Variants in UMAD1 observed in about 807,000 individuals in gnomAD.
The protein encoded by UMAD1 is UBAP1-MVB12-associated (UMA)-domain containing protein 1.
In UMAD1, 8 loss-of-function variants were observed where a neutral mutation model predicts 6.1. That is an observed-to-expected ratio of 1.30 (90% CI 0.76 to 2.35). The LOEUF is 2.35. UMAD1 is among the 30% of genes most tolerant of loss of function. The probability of loss-of-function intolerance (pLI) is 0.00; values close to 1 mark genes in which losing one functional copy is unlikely to be tolerated. For missense variants in UMAD1, 130 were observed against 78.4 expected, an observed-to-expected ratio of 1.66 and a Z score of -2.49; for synonymous variants, 56 against 31.4, an observed-to-expected ratio of 1.78 and a Z score of -2.61.
chr7:7,685,670 A>G (rs1377676464), intron 2 of UMAD1, among the ~76,000 whole-genome samples: 1 of 152,140 alleles, frequency 6.6e-6, no homozygotes, highest in Admixed American at 6.5e-5. Context: ...TGGTTTCTCA[A>G]GTTGCCTGCC....
At chr7:7,819,684 A>T (rs75167848) in intron 3 of UMAD1, among the ~76,000 whole-genome samples, 6,334 of 152,294 alleles carry the variant, frequency 0.042, 306 homozygotes, top group African/African-American at 0.11. Context: ...TCACATTCTG[A>T]AAAAGGTGAT....
At chr7:7,738,288 G>T (rs1038180611) in intron 2 of UMAD1, among the ~76,000 whole-genome samples, 1 of 152,160 alleles carries the variant, frequency 6.6e-6, no homozygotes, top group African/African-American at 2.4e-5. Flanking sequence ...ACAAAACAGA[G>T]GCTTGTTCTG....
chr7:7,845,418 G>T (rs34716105), intron 3 of UMAD1, among the ~76,000 whole-genome samples: 14,198 of 152,040 alleles, frequency 0.093, 804 homozygotes, highest in Non-Finnish European at 0.13. Flanking sequence ...AGAATTTAGA[G>T]AATTTAAGTG....
chr7:7,731,448 A>G (rs753687303), intron 2 of UMAD1, among the ~76,000 whole-genome samples: 1 of 147,608 alleles, frequency 6.8e-6, no homozygotes, highest in Non-Finnish European at 1.5e-5. Context: ...AGTGAGGAAG[A>G]AAAAGGAAAA....
intron 2 of UMAD1, chr7:7,692,325 AC>A (rs1244233821): frequency 6.6e-6 from 1 of 152,144 alleles, no homozygotes; most frequent in Admixed American, 6.6e-5. Flanking sequence ...GAGAATTATA[AC>A]TTTTTTCTTG....
intron 3 of UMAD1, among the ~76,000 whole-genome samples, chr7:7,836,555 T>G (rs561544052): frequency 6.6e-6 from 1 of 152,096 alleles, no homozygotes; most frequent in South Asian, 2.1e-4. Context: ...GAGTCAGATC[T>G]GCAAAGGTCT....
intron 2 of UMAD1, among the ~76,000 whole-genome samples, chr7:7,701,384 CA>C (rs1780459354): frequency 6.7e-6 from 1 of 149,864 alleles, no homozygotes; most frequent in Non-Finnish European, 1.5e-5. Context: ...AAGCACACTA[CA>C]GACAATCTAT....
intron 1 of UMAD1, among the ~76,000 whole-genome samples, chr7:7,661,980 C>T (rs1032983877): frequency 6.6e-6 from 1 of 152,306 alleles, no homozygotes; most frequent in Non-Finnish European, 1.5e-5. Flanking sequence ...ACTGGGGCTG[C>T]TGCCTTTCTT....
At chr7:7,643,427 A>C (rs1042576958) in intron 1 of UMAD1, among the ~76,000 whole-genome samples, 2 of 152,200 alleles carry the variant, frequency 1.3e-5, no homozygotes, top group Non-Finnish European at 2.9e-5. Flanking sequence ...TCCTAGGATC[A>C]GGGCCGGGCG....
At chr7:7,728,131 A>G (rs979705246) in intron 2 of UMAD1, among the ~76,000 whole-genome samples, 10 of 152,160 alleles carry the variant, frequency 6.6e-5, no homozygotes, top group Admixed American at 5.2e-4. Context: ...AAACTGGTAC[A>G]TGTTCAGATA....
At chr7:7,645,150 TTTCTA>T (rs551200152) in intron 1 of UMAD1, among the ~76,000 whole-genome samples, 33 of 152,310 alleles carry the variant, frequency 2.2e-4, no homozygotes, top group African/African-American at 7.2e-4. Context: ...TTTTTGGAAT[TTTCTA>T]TTCATATTTG....
Position 7,717,060 on chromosome 7 carries a change from C to CTTTTTT in UMAD1, c.82+43616_82+43621dup, listed in dbSNP as rs766644906. ...TTCCTTTTTCTTTCTTTCTTTTTTT[C>CTTTTTT]TTTTTTTTTTTTTTGAGACGGAGTC... On this transcript the variant is annotated intron_variant, in intron 2 of 3. Coordinates refer to ENST00000682710, the MANE Select transcript of UMAD1 (RefSeq NM_001302348.2). 9.8e-3 allele frequency among the ~76,000 whole-genome samples: 1,393 copies of CTTTTTT among 141,584 alleles called. 52 individuals carry two copies. Among genetic ancestry groups the CTTTTTT allele is most frequent in the African/African-American group, 0.035 (1,336 of 37,886 alleles). 92.9% of individuals were successfully genotyped at this position (141,584 alleles called of 152,430 possible).
intron 1 of UMAD1, among the ~76,000 whole-genome samples, chr7:7,663,512 A>G (rs62434910): frequency 0.18 from 27,366 of 152,124 alleles, 2,666 homozygotes; most frequent in Middle Eastern, 0.24. Context: ...TGGGACGGAA[A>G]AACAGGGGGA....
intron 2 of UMAD1, among the ~76,000 whole-genome samples, chr7:7,705,363 C>A (rs1780571835): frequency 6.6e-6 from 1 of 152,096 alleles, no homozygotes; most frequent in East Asian, 1.9e-4. Flanking sequence ...TATTAGAGTG[C>A]TTTGGAGTTT....
rs556239470 is a variant in UMAD1 at position 7,750,747 on chromosome 7, C to T, written c.83-50923C>T. Among the ~76,000 whole-genome samples the T allele has an allele frequency of 3.9e-5, 6 of 152,266 alleles. No homozygotes were observed. The South Asian group carries it at 1.2e-3, about 32-fold the overall frequency. ...AGGTTAAGTAACTTGCTCAAAATCACACAGCTAGAACATGGCGGAGCTGAG... is the reference window on the plus strand; with the variant it reads ...AGGTTAAGTAACTTGCTCAAAATCATACAGCTAGAACATGGCGGAGCTGAG... On this transcript the variant is annotated intron_variant, in intron 2 of 3. Transcript: ENST00000682710.
intron 2 of UMAD1, among the ~76,000 whole-genome samples, chr7:7,753,278 A>T (rs1781712432): frequency 6.6e-6 from 1 of 152,236 alleles, no homozygotes; most frequent in Non-Finnish European, 1.5e-5. Flanking sequence ...TGTTACGAAC[A>T]ATTCAATAAC....
chr7:7,796,282 G>C (rs1447187806), intron 2 of UMAD1, among the ~76,000 whole-genome samples: 12 of 81,622 alleles, frequency 1.5e-4, no homozygotes, highest in Non-Finnish European at 2.3e-4. Flanking sequence ...ATGGAGTTTC[G>C]CTCTTCTTGC....
At chr7:7,856,270 A>C (rs1447459189) in intron 3 of UMAD1, among the ~76,000 whole-genome samples, 1 of 152,246 alleles carries the variant, frequency 6.6e-6, no homozygotes, top group East Asian at 1.9e-4. Flanking sequence ...GAGACTGCGT[A>C]ATTAATAAAG....
chr7:7,686,308 C>T (rs1209258009), intron 2 of UMAD1, among the ~76,000 whole-genome samples: 1 of 152,104 alleles, frequency 6.6e-6, no homozygotes, highest in Non-Finnish European at 1.5e-5. Context: ...TGTCCAGAAA[C>T]ATGGTTTGTG....
Sources: allele counts gnomAD v4.1 joint callset (sites outside exome capture counted in the v4.1 genomes callset), GRCh38; gene constraint gnomAD v4.1.1; transcripts MANE v1.5; gene names NCBI Gene and HGNC (gene_info 2026-07-23, HGNC 2026-07-21).